NEGR1: variants seen among roughly 807,000 people sequenced by gnomAD.
NEGR1 encodes neuronal growth regulator 1, also known as IgLON family member 4.
A neutral mutation model predicts 40.9 loss-of-function variants in NEGR1; 10 were observed. The ratio of observed to expected loss-of-function variants is 0.24; its 90% CI spans 0.15 to 0.42. The LOEUF is 0.42. NEGR1 is among the 10% of genes least tolerant of loss of function. NEGR1 has a pLI of 1.00. For missense variants in NEGR1, 352 were observed against 438.9 expected, an observed-to-expected ratio of 0.80 and a Z score of 1.77; for synonymous variants, 185 against 166.8, an observed-to-expected ratio of 1.11 and a Z score of -0.84.
chr1:71,728,563 C>A lies in NEGR1; in HGVS notation c.536-30424G>T, dbSNP rs574972167. Among the ~76,000 whole-genome samples, 12 of 152,178 alleles carry A rather than the reference C, an allele frequency of 7.9e-5. No homozygotes were observed. In the South Asian group the frequency reaches 2.3e-3, roughly 29 times the overall value. ...AACATATTTTTTACTGACACTCTTT[C>A]AAAAAATCTTTCACCAAAATCTAAC... On this transcript the variant is annotated intron_variant, in intron 3 of 6. Transcript: ENST00000357731.
chr1:71,650,180 A>G (rs1651664920), intron 4 of NEGR1, among the ~76,000 whole-genome samples: 1 of 152,128 alleles, frequency 6.6e-6, no homozygotes, highest in Non-Finnish European at 1.5e-5. Context: ...ATACTCTTAG[A>G]GGTGGAAAAA....
chr1:71,737,540 T>C (rs1203200103), intron 3 of NEGR1, among the ~76,000 whole-genome samples: 1 of 152,154 alleles, frequency 6.6e-6, no homozygotes, highest in Non-Finnish European at 1.5e-5. Flanking sequence ...GTTTAAAGAA[T>C]TTTGGGGTAT....
rs1277754410 is a variant in NEGR1 at position 71,396,473 on chromosome 1, C to G, written c.*10973G>C. On this transcript the variant is annotated 3_prime_UTR_variant, in exon 7 of 7. Coordinates refer to ENST00000357731, the MANE Select transcript of NEGR1 (RefSeq NM_173808.3). Reference sequence around the variant, plus strand: ...AATTAAATCTGATTTTTAAAATTTCCAAAATCAACAAATAACAGGTTCTTC... The same window carrying G: ...AATTAAATCTGATTTTTAAAATTTCGAAAATCAACAAATAACAGGTTCTTC... 6.6e-6 allele frequency: 1 copy of G among 152,162 alleles called. No individual in the cohort carries two copies. The highest frequency in any genetic ancestry group is 1.9e-4 in the East Asian group (1 of 5,200). The allele number at this position is 152,162 out of a possible 1,614,324, so 9.4% of individuals were successfully genotyped here. A position where few individuals can be genotyped will look rare whatever the true frequency, so the allele number is the denominator to read the frequency against.
intron 2 of NEGR1, among the ~76,000 whole-genome samples, chr1:71,873,099 T>C (rs1227672686): frequency 1.5e-5 from 2 of 131,448 alleles, no homozygotes; most frequent in Non-Finnish European, 3.1e-5. Context: ...ATGTTGAAAT[T>C]GAATCCCTAA....
chr1:71,928,982 T>A (rs1046639973), intron 2 of NEGR1, among the ~76,000 whole-genome samples: 1 of 152,094 alleles, frequency 6.6e-6, no homozygotes, highest in Non-Finnish European at 1.5e-5. Context: ...GCAAAGGGAA[T>A]AAGAATGAGT....
intron 6 of NEGR1, among the ~76,000 whole-genome samples, chr1:71,438,556 GT>G (rs1446885124): frequency 6.6e-6 from 1 of 152,112 alleles, no homozygotes; most frequent in African/African-American, 2.4e-5. Context: ...TTTTTTGTTT[GT>G]TTGTTTGTTT....
intron 5 of NEGR1, 103 bp downstream of exon 5, chr1:71,610,923 A>AATC: frequency 8.3e-7 from 1 of 1,207,806 alleles, no homozygotes; most frequent in Non-Finnish European, 1.2e-6. Flanking sequence ...GGCTGCTGAG[A>AATC]ATCATTCAAG....
At chr1:71,761,807 TA>T (rs1251792838) in intron 3 of NEGR1, among the ~76,000 whole-genome samples, 1 of 151,944 alleles carries the variant, frequency 6.6e-6, no homozygotes, top group Non-Finnish European at 1.5e-5. Flanking sequence ...AGAACGGCTA[TA>T]AAAAAATTTT....
intron 1 of NEGR1, among the ~76,000 whole-genome samples, chr1:72,032,857 A>AT (rs1207706528): frequency 6.6e-6 from 1 of 152,138 alleles, no homozygotes; most frequent in Non-Finnish European, 1.5e-5. Context: ...CAGTTTCCTC[A>AT]TTTAAAAAAT....
At chr1:71,467,372 G>C (rs963050572) in intron 6 of NEGR1, among the ~76,000 whole-genome samples, 3 of 151,998 alleles carry the variant, frequency 2.0e-5, no homozygotes, top group Non-Finnish European at 2.9e-5. Context: ...TATGTAATCT[G>C]CGTTATACAT....
chr1:71,678,233 G>T (rs1028735065), intron 4 of NEGR1, among the ~76,000 whole-genome samples: 1 of 152,122 alleles, frequency 6.6e-6, no homozygotes, highest in Non-Finnish European at 1.5e-5. Context: ...GTAATCAAAA[G>T]GGGGTAAAGG....
intron 1 of NEGR1, among the ~76,000 whole-genome samples, chr1:72,209,883 A>T (rs1224237631): frequency 6.6e-6 from 1 of 151,904 alleles, no homozygotes; most frequent in African/African-American, 2.4e-5. Context: ...AATAGTAATT[A>T]TAGCTATAAA....
chr1:72,234,748 A>C (rs1654493663), intron 1 of NEGR1, among the ~76,000 whole-genome samples: 1 of 152,136 alleles, frequency 6.6e-6, no homozygotes, highest in African/African-American at 2.4e-5. Context: ...ACCATCTCAC[A>C]CCCATCAGAA....
chr1:71,621,516 GT>G (rs958867060), intron 4 of NEGR1, among the ~76,000 whole-genome samples: 9 of 151,548 alleles, frequency 5.9e-5, no homozygotes, highest in African/African-American at 1.7e-4. Context: ...TGACCTTAAT[GT>G]TTTTTTAATA....
At chr1:71,976,419 T>A (rs558219655) in intron 1 of NEGR1, among the ~76,000 whole-genome samples, 195 of 152,318 alleles carry the variant, frequency 1.3e-3, no homozygotes, top group Non-Finnish European at 2.3e-3. Flanking sequence ...ATTTTACGAT[T>A]TACTGGAAGA....
At chr1:72,238,063 T>A (rs1319129370) in intron 1 of NEGR1, among the ~76,000 whole-genome samples, 1 of 151,938 alleles carries the variant, frequency 6.6e-6, no homozygotes, top group Non-Finnish European at 1.5e-5. Context: ...TTTTATGTGA[T>A]TTAAATGTCT....
chr1:71,949,151 G>C (rs902840599), intron 1 of NEGR1, among the ~76,000 whole-genome samples: 1 of 152,036 alleles, frequency 6.6e-6, no homozygotes, highest in African/African-American at 2.4e-5. Flanking sequence ...CTTCACATTT[G>C]CTTCTTTAAA....
At chr1:72,097,626 C>G (rs1648752518) in intron 1 of NEGR1, among the ~76,000 whole-genome samples, 1 of 152,168 alleles carries the variant, frequency 6.6e-6, no homozygotes, top group African/African-American at 2.4e-5. Context: ...TTCTTCTGCC[C>G]CCATGCCTTC....
chr1:72,211,880 A>G (rs1653621899), intron 1 of NEGR1, among the ~76,000 whole-genome samples: 1 of 151,856 alleles, frequency 6.6e-6, no homozygotes, highest in Non-Finnish European at 1.5e-5. Flanking sequence ...TCTGCCTTAT[A>G]AAAATATCTC....
Sources: gnomAD v4.1 joint callset for allele counts (sites outside exome capture counted in the v4.1 genomes callset) on GRCh38, gnomAD v4.1.1 for gene constraint, MANE v1.5 for transcripts, NCBI Gene and HGNC (gene_info 2026-07-23, HGNC 2026-07-21) for gene names.